C1QTNF9: variants seen among roughly 807,000 people sequenced by gnomAD.
The protein encoded by C1QTNF9 is C1q and TNF related 9, also known as complement C1q and tumor necrosis factor-related protein 9A.
A neutral mutation model predicts 10.1 loss-of-function variants in C1QTNF9; 6 were observed. The ratio of observed to expected loss-of-function variants is 0.59; its 90% CI spans 0.32 to 1.17. The LOEUF is 1.17. C1QTNF9 is among the 50% of genes most tolerant of loss of function. C1QTNF9 has a pLI of 0.04. For missense variants in C1QTNF9, 201 were observed against 418.8 expected (o/e 0.48, Z 4.54); for synonymous variants, 98 against 163.5 (o/e 0.60, Z 3.06).
At chr13:24,309,693 T>C (rs1407334533) in intron 1 of C1QTNF9, 77 bp downstream of exon 1, 3 of 152,200 alleles carry the variant, frequency 2.0e-5, no homozygotes, top group African/African-American at 4.8e-5. Context: ...ATATTATCTG[T>C]GGGATAATCC....
At chr13:24,315,497 A>G (rs894446262) in intron 1 of C1QTNF9, among the ~76,000 whole-genome samples, 2 of 152,240 alleles carry the variant, frequency 1.3e-5, no homozygotes, top group African/African-American at 2.4e-5. Context: ...AACTACGAAC[A>G]TGGACATCTG....
chr13:24,320,057 G>A (rs1482696510), intron 3 of C1QTNF9, among the ~76,000 whole-genome samples: 2 of 152,096 alleles, frequency 1.3e-5, no homozygotes, highest in Admixed American at 1.3e-4. Flanking sequence ...TGAATTGCCG[G>A]TGGGATAGGT....
At chr13:24,318,021 C>T (rs1191145448) in intron 2 of C1QTNF9, among the ~76,000 whole-genome samples, 3 of 152,142 alleles carry the variant, frequency 2.0e-5, no homozygotes, top group Non-Finnish European at 2.9e-5. Flanking sequence ...ACCTGCAAGC[C>T]GGCCCAGCCT....
At chr13:24,319,803 C>A (rs1263508379) in intron 3 of C1QTNF9, among the ~76,000 whole-genome samples, 2 of 152,144 alleles carry the variant, frequency 1.3e-5, no homozygotes, top group Non-Finnish European at 2.9e-5. Context: ...CTTGTGTAAT[C>A]TTCACTTTGT....
chr13:24,320,676 AG>A lies in C1QTNF9; in HGVS notation c.230-319del, dbSNP rs534650604. Among the ~76,000 whole-genome samples, 423 of 151,590 alleles carry A rather than the reference AG, an allele frequency of 2.8e-3. 1 individual carries two copies. Among genetic ancestry groups the A allele is most frequent in the African/African-American group, 1.0e-2 (413 of 41,350 alleles). ...CTAGGATTACAGGCATGAGCCACTG[AG>A]CTGGGCTGGAGTAATTGAATTTTAT... is the stretch of plus-strand genomic sequence containing the variant. On this transcript the variant is annotated intron_variant, in intron 3 of 3. Transcript: ENST00000332018.
chr13:24,310,911 CAAAAAAAAAAAAA>C, intron 1 of C1QTNF9, among the ~76,000 whole-genome samples: 1 of 83,042 alleles, frequency 1.2e-5, no homozygotes, highest in South Asian at 4.0e-4. Flanking sequence ...GGCTCTGTCT[CAAAAAAAAAAAAA>C]AAAAAAAAAG....
exon 4 of C1QTNF9, chr13:24,322,515 G>A (rs1042042225): frequency 1.3e-5 from 2 of 152,192 alleles, no homozygotes; most frequent in African/African-American, 4.8e-5. Context: ...ACACAAACTG[G>A]GAGTCTTTAA....
At chr13:24,319,443 G>A (rs528208539) in intron 3 of C1QTNF9, among the ~76,000 whole-genome samples, 4 of 152,262 alleles carry the variant, frequency 2.6e-5, no homozygotes, top group East Asian at 1.9e-4. Flanking sequence ...GGAGGCTGAG[G>A]TGGGAGGATC....
chr13:24,310,583 G>A (rs141598501), intron 1 of C1QTNF9, among the ~76,000 whole-genome samples: 1,801 of 136,432 alleles, frequency 0.013, 8 homozygotes, highest in Non-Finnish European at 0.02. Flanking sequence ...TTATGGCTAT[G>A]CTAATTTACA....
At chr13:24,321,678 G>T in exon 4 of C1QTNF9, 2 of 1,614,100 alleles carry the variant, frequency 1.2e-6, no homozygotes, top group South Asian at 2.2e-5. Flanking sequence ...TGTGGCTGCA[G>T]GTGACAGGAG....
At chr13:24,314,290 A>G (rs1877945509) in intron 1 of C1QTNF9, among the ~76,000 whole-genome samples, 2 of 152,020 alleles carry the variant, frequency 1.3e-5, no homozygotes. Flanking sequence ...CTGTAATACT[A>G]GCACTTTGGG....
In C1QTNF9 at chr13:24,321,272, C is replaced by T. The variant is rs536592072; in HGVS notation, c.506C>T (p.Thr169Met). The change falls in exon 4 of 4, where the codon ACG becomes ATG. Residue 169 changes from threonine to methionine, a missense_variant. By Grantham distance (81) the Thr-to-Met change is moderately conservative. Around this residue, in one of 3 missense-constraint regions of C1QTNF9, gnomAD observed 62 missense variants for 250.2 expected, o/e 0.25. Transcript: ENST00000332018. Reference sequence around the variant, plus strand: ...GGTCCCAAAGGAGAAGCTGGACCCACGGGGCCCCAGGGTGAGCCAGGAGTC... The same window carrying T: ...GGTCCCAAAGGAGAAGCTGGACCCATGGGGCCCCAGGGTGAGCCAGGAGTC... 1.2e-4 allele frequency: 177 copies of T among 1,435,270 alleles called. 3 individuals are homozygous for T. In the East Asian group the frequency reaches 1.7e-3, roughly 14 times the overall value. The allele number at this position is 1,435,270 out of a possible 1,614,324, so 88.9% of individuals were successfully genotyped here.
intron 1 of C1QTNF9, among the ~76,000 whole-genome samples, chr13:24,312,971 A>G (rs201974902): frequency 4.7e-4 from 67 of 143,030 alleles, no homozygotes; most frequent in South Asian, 2.1e-3. Context: ...AAAAAAAAAG[A>G]AAAAAAAAAT....
chr13:24,311,942 T>C (rs77586315), intron 1 of C1QTNF9, among the ~76,000 whole-genome samples: 154 of 152,276 alleles, frequency 1.0e-3, no homozygotes, highest in African/African-American at 3.0e-3. Context: ...CAATTACACG[T>C]CTCACTTTTG....
exon 4 of C1QTNF9, chr13:24,322,077 T>C: frequency 3.6e-6 from 1 of 279,210 alleles, no homozygotes; most frequent in South Asian, 1.2e-4. Context: ...TGAGGAGTCA[T>C]ATGAAGATGT....
chr13:24,318,003 G>A (rs1264286944), intron 2 of C1QTNF9, among the ~76,000 whole-genome samples: 1 of 152,168 alleles, frequency 6.6e-6, no homozygotes, highest in East Asian at 1.9e-4. Flanking sequence ...TGTCAGTCCT[G>A]TCTCAGGACC....
At chr13:24,314,259 G>C (rs1163996970) in intron 1 of C1QTNF9, among the ~76,000 whole-genome samples, 2 of 152,014 alleles carry the variant, frequency 1.3e-5, no homozygotes, top group African/African-American at 2.4e-5. Context: ...AATCCTAAAA[G>C]TCAGGTACAG....
chr13:24,310,829 G>A (rs1195610617), intron 1 of C1QTNF9, among the ~76,000 whole-genome samples: 4 of 150,230 alleles, frequency 2.7e-5, no homozygotes, highest in South Asian at 2.1e-4. Flanking sequence ...GGAGAATGGC[G>A]TGAACCCAGG....
chr13:24,314,769 G>A (rs9507301), intron 1 of C1QTNF9, among the ~76,000 whole-genome samples: 35,833 of 151,138 alleles, frequency 0.24, 4,934 homozygotes, highest in African/African-American at 0.35. Flanking sequence ...GCTTGAGCTG[G>A]GAGGTTGAGA....
Sources: allele counts gnomAD v4.1 joint callset (sites outside exome capture counted in the v4.1 genomes callset), GRCh38; gene constraint gnomAD v4.1.1; regional missense constraint gnomAD v4.1.1; transcripts MANE v1.5; gene names NCBI Gene and HGNC (gene_info 2026-07-23, HGNC 2026-07-21).